RAPGEF3: variants seen among roughly 807,000 people sequenced by gnomAD.
RAPGEF3 encodes Rap guanine nucleotide exchange factor 3.
In RAPGEF3, 103 loss-of-function variants were observed where a neutral mutation model predicts 129.8. The observed-to-expected ratio is 0.79, with a 90% CI of 0.68 to 0.93. The LOEUF is 0.93. Ranked by LOEUF, RAPGEF3 falls within the 40% of genes least tolerant of loss-of-function variation. RAPGEF3 has a pLI of 0.00. For synonymous variants in RAPGEF3, 436 were observed against 482.6 expected (o/e 0.90, Z 1.26); for missense variants, 1,117 against 1,207.4 (o/e 0.93, Z 1.11).
rs1168566932 is a variant in RAPGEF3, at chr12:47,749,935, G to T, written c.812C>A (p.Thr271Asn). 1 of 1,614,224 alleles carries T rather than the reference G, an allele frequency of 6.2e-7. No individual in the cohort carries two copies. Among genetic ancestry groups the T allele is most frequent in the East Asian group, 2.2e-5 (1 of 44,882 alleles). Residue 271 changes from threonine (T) to asparagine (N), a missense_variant, in exon 8 of 28, where the codon ACC becomes AAC. Physicochemically the swap from Thr to Asn is moderately conservative, Grantham distance 65. This residue lies in a region of RAPGEF3 where 367 missense variants were observed against 373.4 expected (regional missense o/e 0.98). Coordinates refer to ENST00000449771, the MANE Select transcript of RAPGEF3 (RefSeq NM_001098531.4). The surrounding 1 kb of genome is among the most constrained non-coding windows in gnomAD (Gnocchi z 4.5). Reference sequence around the variant, plus strand: ...TTATGCCCTGCTGGACTTACACACGGTCCCTGCCTTGCTGTGTGGTTCAAA... The same window carrying T: ...TTATGCCCTGCTGGACTTACACACGTTCCCTGCCTTGCTGTGTGGTTCAAA... Reference protein sequence around the residue: ...LLFEPHSKAGTVLFSQGDKGT... With the variant: ...LLFEPHSKAGNVLFSQGDKGT...
chr12:47,756,959 C>G (rs1942099461), intron 2 of RAPGEF3, among the ~76,000 whole-genome samples: 1 of 149,458 alleles, frequency 6.7e-6, no homozygotes, highest in African/African-American at 2.5e-5. Context: ...CAGAGGAAGA[C>G]TCTGGTTAAA....
intron 7 of RAPGEF3, 152 bp from the exon 8 acceptor site, chr12:47,750,142 A>G: frequency 1.8e-6 from 2 of 1,140,946 alleles, no homozygotes; most frequent in South Asian, 2.5e-5. Context: ...CAGGAGACAA[A>G]GCAAGTGGAG....
At chr12:47,738,571 A>T in intron 25 of RAPGEF3, 119 bp downstream of exon 25, 15 of 807,600 alleles carry the variant, frequency 1.9e-5, no homozygotes, top group Non-Finnish European at 3.2e-5. Context: ...CACAGTAAGT[A>T]TTCATCCTCA....
rs761514673 is a variant in RAPGEF3 at position 47,747,728 on chromosome 12, G to T, written c.1457C>A (p.Ala486Asp). 3.7e-6 allele frequency: 6 copies of T among 1,610,662 alleles called. No homozygotes were observed. Among genetic ancestry groups the T allele is most frequent in the Non-Finnish European group, 4.2e-6 (5 of 1,179,658 alleles). ...CCCAGGTACCTGGAGGAAGCTGGTG[G>T]CCACAGGGTCAGTGTGGAGCATGGA... Reference protein sequence around the residue: ...YGSMLHTDPVATSFLQKLSDL... With the variant: ...YGSMLHTDPVDTSFLQKLSDL... Residue 486 changes from alanine to aspartate, a missense_variant, in exon 14 of 28, where the codon GCC (alanine) becomes GAC (aspartate). Transcript: ENST00000449771.
intron 7 of RAPGEF3, 42 bp from the exon 8 acceptor site, chr12:47,750,032 G>A (rs1204950461): frequency 2.5e-6 from 4 of 1,610,760 alleles, no homozygotes; most frequent in Non-Finnish European, 3.4e-6. Context: ...ACAAGTTCAT[G>A]TGCAGAGCAG....
Position 47,750,327 on chromosome 12 carries a change from G to A in RAPGEF3, c.756+14C>T, listed in dbSNP as rs1267302784. 1.2e-6 allele frequency: 2 copies of A among 1,611,386 alleles called. No homozygotes were observed. The highest frequency in any genetic ancestry group is 1.3e-5 in the African/African-American group (1 of 75,000). On this transcript the variant is annotated intron_variant, in intron 7 of 27. Coordinates refer to ENST00000449771, the MANE Select transcript of RAPGEF3 (RefSeq NM_001098531.4). ...TGCCTGGTACGGGGCAGGGCTGGGA[G>A]GGGCAGGACTGACCGAGTTGGAGAG... is the stretch of plus-strand genomic sequence containing the variant.
chr12:47,748,914 G>T lies in RAPGEF3; in HGVS notation c.1059C>A (p.Thr353=). 6.2e-7 allele frequency: 1 copy of T among 1,613,952 alleles called. No individual in the cohort carries two copies. The highest frequency in any genetic ancestry group is 8.5e-7 in the Non-Finnish European group (1 of 1,179,872). ...NRIIKDVEAK[T]MRLEEHGKVV... is the part of the protein sequence containing the mutation. ...CTTTGCCATGTTCTTCCAGCCGCAT[G>T]GTCTTTGCCTCCACATCCTGGAGAA... Residue 353 remains threonine (T), a synonymous_variant, in exon 11 of 28, where the codon ACC becomes ACA. Transcript: ENST00000449771.
At position 47,741,612 on chromosome 12, in the gene RAPGEF3, C is replaced by T. The variant is rs1178075520; in HGVS notation, c.1826-10G>A. ...TGCAGGCCAATGGCATCTGCAAAGA[C>T]AGCAGAGGCGGACTGGGTGGGGGAA... is the stretch of plus-strand genomic sequence containing the variant. On this transcript the variant is annotated splice_polypyrimidine_tract_variant and intron_variant, in intron 18 of 27. Coordinates refer to ENST00000449771, the MANE Select transcript of RAPGEF3 (RefSeq NM_001098531.4). The T allele has an allele frequency of 6.2e-7, 1 of 1,611,444 alleles. No individual in the cohort carries two copies. Among genetic ancestry groups the T allele is most frequent in the Admixed American group, 1.7e-5 (1 of 60,008 alleles).
Position 47,735,949 on chromosome 12 carries a change from G to A in RAPGEF3, c.*1618C>T, listed in dbSNP as rs925625298. 1 of 152,520 alleles carries A rather than the reference G, an allele frequency of 6.6e-6. No homozygotes were observed. 9.4% of individuals were successfully genotyped at this position (152,520 alleles called of 1,614,324 possible). A position where few individuals can be genotyped will look rare whatever the true frequency, so the allele number is the denominator to read the frequency against. On this transcript the variant is annotated 3_prime_UTR_variant, in exon 28 of 28. Transcript: ENST00000449771. The stretch of plus-strand genomic sequence containing the variant: ...CACCCACGGCAAGGGAACTGGTTTG[G>A]TTACCACTGCCATCTGCTGCACCTC...
chr12:47,757,921 G>T lies in RAPGEF3; in HGVS notation c.164C>A (p.Ser55Tyr), dbSNP rs749960218. The T allele has an allele frequency of 6.4e-7, 1 of 1,556,814 alleles. No homozygotes were observed. Among genetic ancestry groups the T allele is most frequent in the Non-Finnish European group, 8.7e-7 (1 of 1,150,100 alleles). Reference protein sequence around the residue: ...LRRMHRPRSCSYQLLLEHQRP... With the variant: ...LRRMHRPRSCYYQLLLEHQRP... ...CTGGTGCTCCAGCAGCAGCTGGTAG[G>T]AGCAGCTTCGGGGCCGGTGCATCCT... Residue 55 changes from serine to tyrosine, a missense_variant, in exon 2 of 28, where the codon TCC becomes TAC. This residue lies in a region of RAPGEF3 where 367 missense variants were observed against 373.4 expected (regional missense o/e 0.98). Transcript: ENST00000449771.
At chr12:47,753,350 C>T (rs1268679008) in intron 2 of RAPGEF3, among the ~76,000 whole-genome samples, 1 of 152,232 alleles carries the variant, frequency 6.6e-6, no homozygotes, top group Non-Finnish European at 1.5e-5. Context: ...TTCCTCTCCC[C>T]TCACCAGCCA....
At position 47,738,774 on chromosome 12, in the gene RAPGEF3, G is replaced by C. The variant is rs765635492; in HGVS notation, c.2462-20C>G. Reference sequence around the variant, plus strand: ...TCATGTCTGCAAAGAGATGGGTTTTGTTCATAGGTCCCCAAACTTCTGCCC... The same window carrying C: ...TCATGTCTGCAAAGAGATGGGTTTTCTTCATAGGTCCCCAAACTTCTGCCC... On this transcript the variant is annotated intron_variant, in intron 24 of 27. Transcript: ENST00000449771. 3 of 1,593,202 alleles carry C rather than the reference G, an allele frequency of 1.9e-6. No homozygotes were observed. The highest frequency in any genetic ancestry group is 1.7e-5 in the Admixed American group (1 of 59,948).
intron 6 of RAPGEF3, 96 bp downstream of exon 6, chr12:47,750,952 C>T (rs1941704850): frequency 6.7e-7 from 1 of 1,497,124 alleles, no homozygotes; most frequent in Admixed American, 2.3e-5. Context: ...CCCTCCACAA[C>T]AGGTAAGGGA....
Position 47,739,213 on chromosome 12 carries a change from G to A in RAPGEF3, c.2391C>T (p.His797=), listed in dbSNP as rs377225603. Residue 797 remains histidine (H), a synonymous_variant, in exon 24 of 28, where the codon CAC becomes CAT. Coordinates refer to ENST00000449771, the MANE Select transcript of RAPGEF3 (RefSeq NM_001098531.4). The part of the protein sequence containing the change: ...LERLLDPSWN[H]RVYRLALAKL... Reference sequence around the variant, plus strand: ...TGGCGAGGGCCAGTCGGTATACCCGGTGGTTCCATGAGGGATCCTAGGGGA... The same window carrying A: ...TGGCGAGGGCCAGTCGGTATACCCGATGGTTCCATGAGGGATCCTAGGGGA... 6.2e-7 allele frequency: 1 copy of A among 1,611,838 alleles called. No homozygotes were observed. Among genetic ancestry groups the A allele is most frequent in the African/African-American group, 1.3e-5 (1 of 74,834 alleles).
chr12:47,740,382 TCTG>T lies in RAPGEF3; in HGVS notation c.2242_2244del (p.Gln748del), dbSNP rs764377307. ...ACGGCAAAGAAGGAATTGAGATTCT[TCTG>T]CTCCTTGAGGCTGTGAGCAGAAGAC... On this transcript the variant is annotated inframe_deletion, in exon 22 of 28. Coordinates refer to ENST00000449771, the MANE Select transcript of RAPGEF3 (RefSeq NM_001098531.4). 1 of 1,613,960 alleles carries T rather than the reference TCTG, an allele frequency of 6.2e-7. No homozygotes were observed. Among genetic ancestry groups the T allele is most frequent in the East Asian group, 2.2e-5 (1 of 44,878 alleles).
chr12:47,750,900 G>T, intron 6 of RAPGEF3, 148 bp downstream of exon 6: 2 of 1,131,122 alleles, frequency 1.8e-6, no homozygotes, highest in Non-Finnish European at 2.5e-6. Flanking sequence ...GTGAGTCCGT[G>T]GCAGTCAGCG....
intron 20 of RAPGEF3, 25 bp from the exon 21 acceptor site, chr12:47,740,848 C>T: frequency 6.2e-7 from 1 of 1,613,564 alleles, no homozygotes; most frequent in South Asian, 1.1e-5. Flanking sequence ...CAGGAGAGGT[C>T]AGCGAGTGCT....
rs766227935 is a variant in RAPGEF3 at position 47,738,069 on chromosome 12, C to T, written c.2606G>A (p.Arg869Gln). ...GCTGTCCTCGTGGAGGTGGGAAACTCGGCTTCTGAGTGGTGAGAGAGGCAC... is the reference window on the plus strand; with the variant it reads ...GCTGTCCTCGTGGAGGTGGGAAACTTGGCTTCTGAGTGGTGAGAGAGGCAC... ...NPVPLSPLRS[R>Q]VSHLHEDSQV... The change falls in exon 27 of 28, where the codon CGA becomes CAA. Residue 869 changes from arginine (R) to glutamine (Q), a missense_variant. By Grantham distance (43) the Arg-to-Gln change is conservative (BLOSUM62 1). Transcript: ENST00000449771. 1.4e-5 allele frequency: 23 copies of T among 1,608,578 alleles called. No individual in the cohort carries two copies. The highest frequency in any genetic ancestry group is 1.0e-4 in the Admixed American group (6 of 59,782).
Position 47,758,088 on chromosome 12 carries a change from G to T in RAPGEF3, c.7-10C>A. ...CACCTGGCCAGCCCACCTGTGACAC[G>T]GGGAGGAAAGTGGACAGCCATGGGA... On this transcript the variant is annotated splice_polypyrimidine_tract_variant and intron_variant, in intron 1 of 27. Coordinates refer to ENST00000449771, the MANE Select transcript of RAPGEF3 (RefSeq NM_001098531.4). 6.4e-7 allele frequency: 1 copy of T among 1,555,872 alleles called. No individual in the cohort carries two copies. The highest frequency in any genetic ancestry group is 2.4e-5 in the East Asian group (1 of 41,800).
Sources: allele counts gnomAD v4.1 joint callset (sites outside exome capture counted in the v4.1 genomes callset), GRCh38; gene constraint gnomAD v4.1.1; regional missense constraint gnomAD v4.1.1; non-coding constraint Gnocchi (gnomAD v3.1); transcripts MANE v1.5; gene names NCBI Gene and HGNC (gene_info 2026-07-23, HGNC 2026-07-21).